The following UBE3D variants were observed in gnomAD, a reference collection of about 807,000 sequenced individuals.
UBE3D encodes E3 ubiquitin-protein ligase E3D.
A neutral mutation model predicts 49.6 loss-of-function variants in UBE3D; 48 were observed. That is an observed-to-expected ratio of 0.97 (90% CI 0.77 to 1.23). The LOEUF (loss-of-function observed/expected upper bound fraction) is 1.23, where lower values mean the gene tolerates loss of function less well. Among genes scored for constraint, UBE3D ranks in the 50% most tolerant of loss-of-function variants. UBE3D has a pLI of 0.00. For synonymous variants in UBE3D, 189 were observed against 174.2 expected (o/e 1.08, Z -0.67); for missense variants, 452 against 468.4 (o/e 0.96, Z 0.32).
intron 8 of UBE3D, among the ~76,000 whole-genome samples, chr6:82,988,352 T>C: frequency 6.6e-6 from 1 of 152,164 alleles, no homozygotes; most frequent in Non-Finnish European, 1.5e-5. Context: ...TTCTGTAAAT[T>C]CAAGACAGTT....
In UBE3D at chr6:82,892,949, G is replaced by C. The variant is rs902972705; in HGVS notation, c.*73C>G. The C allele has an allele frequency of 1.3e-6, 2 of 1,561,474 alleles. No individual in the cohort carries two copies. The highest frequency in any genetic ancestry group is 2.7e-5 in the African/African-American group (2 of 73,838). ...TGTCTTTGTAATTGATGCCTCCTGA[G>C]CTGACTGCTGGCCTCGGTGTGCTCC... On this transcript the variant is annotated 3_prime_UTR_variant, in exon 10 of 10. Coordinates refer to ENST00000369747, the MANE Select transcript of UBE3D (RefSeq NM_198920.3).
chr6:82,938,185 G>A (rs893547639), intron 9 of UBE3D: 3 of 152,234 alleles, frequency 2.0e-5, no homozygotes, highest in Admixed American at 6.5e-5. Context: ...TACTTTAAAC[G>A]AACTTTAAAA....
At position 83,019,111 on chromosome 6, in the gene UBE3D, A is replaced by G; in HGVS notation, c.872T>C (p.Leu291Ser). The G allele has an allele frequency of 6.2e-7, 1 of 1,613,594 alleles. No homozygotes were observed. Among genetic ancestry groups the G allele is most frequent in the Non-Finnish European group, 8.5e-7 (1 of 1,179,836 alleles). ...GGAATTTCTCAAAGATTCAATCACC[A>G]AACTGTCTGAATTTAAAAGCCATAG... Reference protein sequence around the residue: ...ILLWLLNSDSLVIESLRNSKY... With the variant: ...ILLWLLNSDSSVIESLRNSKY... The change falls in exon 8 of 10, where the codon TTG becomes TCG. Residue 291 changes from leucine (L) to serine (S), a missense_variant. Transcript: ENST00000369747.
chr6:82,905,603 T>C lies in UBE3D; in HGVS notation c.1150-12561A>G, dbSNP rs1239418477. Among the ~76,000 whole-genome samples, 3 of 152,056 alleles carry C rather than the reference T, an allele frequency of 2.0e-5. 1 individual carries two copies. Among genetic ancestry groups the C allele is most frequent in the Admixed American group, 1.3e-4 (2 of 15,258 alleles). ...TCAAGTGGAAGGAAGAGCCACACAT[T>C]TTTCACTTAAATCAAAAGCTAGAGA... is the stretch of plus-strand genomic sequence containing the variant. On this transcript the variant is annotated intron_variant, in intron 9 of 9. Transcript: ENST00000369747.
chr6:83,032,156 A>G (rs960039906), intron 5 of UBE3D: 6 of 455,342 alleles, frequency 1.3e-5, no homozygotes, highest in Admixed American at 2.4e-5. Flanking sequence ...CCAGAATGAT[A>G]GATCCATAGA....
intron 5 of UBE3D, among the ~76,000 whole-genome samples, chr6:83,035,166 GTGAGACTA>G (rs1782157578): frequency 1.4e-5 from 2 of 141,786 alleles, no homozygotes; most frequent in African/African-American, 5.3e-5. Flanking sequence ...GGGCAACAGA[GTGAGACTA>G]TGTCTCAAAA....
At chr6:82,953,429 C>T (rs969184901) in intron 9 of UBE3D, among the ~76,000 whole-genome samples, 1 of 152,216 alleles carries the variant, frequency 6.6e-6, no homozygotes, top group Non-Finnish European at 1.5e-5. Flanking sequence ...CATCTGTGCT[C>T]AACTTTGCTG....
intron 8 of UBE3D, among the ~76,000 whole-genome samples, chr6:83,010,676 G>A (rs1213993567): frequency 6.6e-6 from 1 of 152,142 alleles, no homozygotes; most frequent in Non-Finnish European, 1.5e-5. Flanking sequence ...GAGCAAGGAA[G>A]CTAGTCCCAA....
chr6:82,969,145 G>A (rs1777159242), intron 8 of UBE3D, among the ~76,000 whole-genome samples: 1 of 138,962 alleles, frequency 7.2e-6, no homozygotes, highest in South Asian at 2.4e-4. Context: ...CTGAGAGACT[G>A]TGTTAACAAC....
chr6:83,010,807 C>T lies in UBE3D; in HGVS notation c.1010+8166G>A, dbSNP rs188989515. Among the ~76,000 whole-genome samples, 162 of 152,198 alleles carry T rather than the reference C, an allele frequency of 1.1e-3. 2 individuals are homozygous for T. The highest frequency in any genetic ancestry group is 3.8e-3 in the African/African-American group (158 of 41,524). On this transcript the variant is annotated intron_variant, in intron 8 of 9. Transcript: ENST00000369747. Reference sequence around the variant, plus strand: ...GTTTTTTTCTGTCTGCTTTATATTCCAGCCATGCTGGCAGCTGATTAGATG... The same window carrying T: ...GTTTTTTTCTGTCTGCTTTATATTCTAGCCATGCTGGCAGCTGATTAGATG...
intron 9 of UBE3D, among the ~76,000 whole-genome samples, chr6:82,916,611 A>T (rs1204585406): frequency 1.3e-5 from 2 of 152,242 alleles, no homozygotes; most frequent in Non-Finnish European, 2.9e-5. Context: ...TGTGTTGCTG[A>T]CTGAAAGCAG....
chr6:83,024,429 T>C (rs1403068233), intron 5 of UBE3D, among the ~76,000 whole-genome samples: 1 of 152,172 alleles, frequency 6.6e-6, no homozygotes, highest in African/African-American at 2.4e-5. Context: ...TGATGTACTA[T>C]TTTCCCAGAT....
chr6:82,887,404 T>G (rs796375683), downstream of UBE3D, among the ~76,000 whole-genome samples: 23,127 of 140,974 alleles, frequency 0.16, 2,778 homozygotes, highest in Admixed American at 0.28. Flanking sequence ...TTTTTTTTTT[T>G]TTTTTTTTCA....
rs551580447 is a variant in UBE3D at position 82,920,564 on chromosome 6, G to GATAT, written c.1150-27526_1150-27523dup. Among the ~76,000 whole-genome samples, 300 of 152,318 alleles carry GATAT rather than the reference G, an allele frequency of 2.0e-3. 3 individuals are homozygous for GATAT. Among genetic ancestry groups the GATAT allele is most frequent in the African/African-American group, 6.3e-3 (262 of 41,570 alleles). ...GTTCATTGTGTGACCTTGGGCAAGT[G>GATAT]ATATGAACCTCTCCAAAGTTTCGGT... On this transcript the variant is annotated intron_variant, in intron 9 of 9. Coordinates refer to ENST00000369747, the MANE Select transcript of UBE3D (RefSeq NM_198920.3).
At chr6:83,006,389 G>A (rs1185062466) in intron 8 of UBE3D, among the ~76,000 whole-genome samples, 4 of 152,156 alleles carry the variant, frequency 2.6e-5, no homozygotes, top group East Asian at 1.9e-4. Flanking sequence ...TGTATTTGGA[G>A]ATAGGAGGTC....
chr6:82,982,743 C>T (rs562477824), intron 8 of UBE3D, among the ~76,000 whole-genome samples: 2 of 152,232 alleles, frequency 1.3e-5, no homozygotes, highest in African/African-American at 4.8e-5. Flanking sequence ...CAAAGATGAT[C>T]ATCAACAAGT....
chr6:83,065,591 C>CG (rs775499798), intron 1 of UBE3D, 51 bp downstream of exon 1: 11 of 1,578,672 alleles, frequency 7.0e-6, no homozygotes, highest in Non-Finnish European at 8.7e-6. Flanking sequence ...CCCCGACCCC[C>CG]GGGCAGCAGT....
At chr6:83,027,458 A>AAAAAAAAG (rs571635643) in intron 5 of UBE3D, among the ~76,000 whole-genome samples, 1 of 147,464 alleles carries the variant, frequency 6.8e-6, no homozygotes, top group African/African-American at 2.5e-5. Flanking sequence ...AAAAAAAAAA[A>AAAAAAAAG]AAAGAAACCA....
chr6:82,889,696 T>C (rs1348641399), downstream of UBE3D, among the ~76,000 whole-genome samples: 1 of 152,134 alleles, frequency 6.6e-6, no homozygotes, highest in Non-Finnish European at 1.5e-5. Context: ...ATATAGTAAT[T>C]TTATGATAAA....
Sources: gnomAD v4.1 joint callset for allele counts (sites outside exome capture counted in the v4.1 genomes callset) on GRCh38, gnomAD v4.1.1 for gene constraint, MANE v1.5 for transcripts, NCBI Gene and HGNC (gene_info 2026-07-23, HGNC 2026-07-21) for gene names.